Variants in KDM4C observed in about 807,000 individuals in gnomAD.
KDM4C encodes the protein lysine-specific demethylase 4C.
A neutral mutation model predicts 129.3 loss-of-function variants in KDM4C; 81 were observed. The observed-to-expected ratio is 0.63, with a 90% CI of 0.52 to 0.75. The LOEUF is 0.75. KDM4C is among the 30% of genes least tolerant of loss of function. The probability of loss-of-function intolerance (pLI) is 0.00; values close to 1 mark genes in which losing one functional copy is unlikely to be tolerated. For synonymous variants in KDM4C, 573 were observed against 456.1 expected (o/e 1.26, Z -3.26); for missense variants, 1,457 against 1,304.0 (o/e 1.12, Z -1.81).
intron 2 of KDM4C, among the ~76,000 whole-genome samples, chr9:6,795,485 C>A (rs751709392): frequency 6.6e-6 from 1 of 152,122 alleles, no homozygotes; most frequent in East Asian, 1.9e-4. Flanking sequence ...GCATGTACCA[C>A]CATGCCTGGA....
chr9:6,830,791 C>A (rs1053139314), intron 4 of KDM4C, among the ~76,000 whole-genome samples: 2 of 152,152 alleles, frequency 1.3e-5, no homozygotes, highest in Non-Finnish European at 2.9e-5. Context: ...AAGGGAAACT[C>A]AGTAGCACCA....
At chr9:6,956,549 G>T (rs1200443037) in intron 8 of KDM4C, among the ~76,000 whole-genome samples, 1 of 152,122 alleles carries the variant, frequency 6.6e-6, no homozygotes, top group East Asian at 1.9e-4. Flanking sequence ...CCCCCTGCCT[G>T]TATTTGTAAA....
At chr9:6,859,565 T>C (rs1357811927) in intron 5 of KDM4C, among the ~76,000 whole-genome samples, 2 of 142,676 alleles carry the variant, frequency 1.4e-5, no homozygotes, top group African/African-American at 5.1e-5. Context: ...TTTTGCCCCA[T>C]TTTAAAACTG....
intron 15 of KDM4C, among the ~76,000 whole-genome samples, chr9:7,043,247 G>A (rs1301522270): frequency 6.6e-6 from 1 of 152,018 alleles, no homozygotes; most frequent in Non-Finnish European, 1.5e-5. Flanking sequence ...TTGATATCAA[G>A]TTTAATGACT....
intron 8 of KDM4C, among the ~76,000 whole-genome samples, chr9:6,965,250 AG>A (rs1830743709): frequency 6.6e-6 from 1 of 151,712 alleles, no homozygotes; most frequent in Non-Finnish European, 1.5e-5. Context: ...AGAAAAAAAA[AG>A]TCTAAAACCA....
chr9:7,069,312 A>G (rs913715229), intron 17 of KDM4C, among the ~76,000 whole-genome samples: 16 of 152,338 alleles, frequency 1.1e-4, no homozygotes, highest in African/African-American at 3.1e-4. Context: ...ATCACGTGGA[A>G]CACATTTTCT....
chr9:6,740,756 T>A (rs1817667740), intron 1 of KDM4C, among the ~76,000 whole-genome samples: 1 of 145,664 alleles, frequency 6.9e-6, no homozygotes, highest in African/African-American at 2.6e-5. Context: ...TGACCCCAAG[T>A]GATTCGCCCA....
intron 6 of KDM4C, among the ~76,000 whole-genome samples, chr9:6,881,401 G>A (rs1563751679): frequency 1.3e-5 from 2 of 152,120 alleles, no homozygotes; most frequent in African/African-American, 4.8e-5. Flanking sequence ...ATAAGTTTTG[G>A]ATAATAGATT....
At chr9:6,792,446 T>G (rs1301319511) in intron 1 of KDM4C, among the ~76,000 whole-genome samples, 1 of 151,924 alleles carries the variant, frequency 6.6e-6, no homozygotes, top group Non-Finnish European at 1.5e-5. Flanking sequence ...TGGAGTGCAG[T>G]GGCGAGATCT....
At chr9:6,928,995 C>T (rs146675148) in intron 8 of KDM4C, among the ~76,000 whole-genome samples, 3 of 152,290 alleles carry the variant, frequency 2.0e-5, no homozygotes, top group Non-Finnish European at 2.9e-5. Flanking sequence ...CCTTGCACCT[C>T]GTACCTGTGC....
chr9:7,068,721 A>G (rs1937274243), intron 17 of KDM4C, among the ~76,000 whole-genome samples: 2 of 117,450 alleles, frequency 1.7e-5, no homozygotes, highest in East Asian at 2.3e-4. Context: ...TTTGAAACAG[A>G]ATTTTGCTCT....
intron 8 of KDM4C, among the ~76,000 whole-genome samples, chr9:6,895,088 G>A (rs984674984): frequency 6.6e-6 from 1 of 152,110 alleles, no homozygotes; most frequent in African/African-American, 2.4e-5. Context: ...TTTTTTCAGT[G>A]TTATGGCCAC....
intron 8 of KDM4C, among the ~76,000 whole-genome samples, chr9:6,936,107 G>T (rs528927123): frequency 6.6e-6 from 1 of 152,252 alleles, no homozygotes; most frequent in South Asian, 2.1e-4. Flanking sequence ...GTGCCAGAAG[G>T]TAGCTTGAAT....
chr9:6,842,128 G>C (rs1423657656), intron 4 of KDM4C, among the ~76,000 whole-genome samples: 1 of 151,984 alleles, frequency 6.6e-6, no homozygotes, highest in African/African-American at 2.4e-5. Context: ...ATTTAGTGTT[G>C]GACAAATATA....
At chr9:6,926,226 C>G (rs969065559) in intron 8 of KDM4C, among the ~76,000 whole-genome samples, 1 of 149,494 alleles carries the variant, frequency 6.7e-6, no homozygotes, top group African/African-American at 2.5e-5. Flanking sequence ...GGCTGTAGGA[C>G]TCAACTGTGA....
At chr9:6,870,527 A>G (rs1356753109) in intron 5 of KDM4C, among the ~76,000 whole-genome samples, 2 of 152,120 alleles carry the variant, frequency 1.3e-5, no homozygotes, top group South Asian at 4.1e-4. Flanking sequence ...ATCTTAGCAT[A>G]AGCTCTGGTG....
At chr9:7,047,408 G>A (rs7024087) in intron 16 of KDM4C, among the ~76,000 whole-genome samples, 17,371 of 150,494 alleles carry the variant, frequency 0.12, 1,277 homozygotes, top group African/African-American at 0.19. Context: ...AAACATTGAT[G>A]TTAAGATTTA....
At chr9:6,961,443 C>G (rs866284860) in intron 8 of KDM4C, among the ~76,000 whole-genome samples, 3 of 152,030 alleles carry the variant, frequency 2.0e-5, no homozygotes, top group Non-Finnish European at 4.4e-5. Context: ...ACTTTCTGAA[C>G]AGAGATAGTC....
rs1304786583 is a variant in KDM4C at position 6,882,961 on chromosome 9, G to C, written c.679+2900G>C. ...TGGGTGGGATGCAGACAGGCATTCA[G>C]TGGACTCTTTGAAATTATATTCAAA... On this transcript the variant is annotated intron_variant, in intron 6 of 21. Transcript: ENST00000381309. Among the ~76,000 whole-genome samples the C allele has an allele frequency of 3.3e-5, 5 of 152,180 alleles. No individual in the cohort carries two copies. In the South Asian group the frequency reaches 8.3e-4, roughly 25 times the overall value.
Sources: gnomAD v4.1 joint callset for allele counts (sites outside exome capture counted in the v4.1 genomes callset) on GRCh38, gnomAD v4.1.1 for gene constraint, MANE v1.5 for transcripts, NCBI Gene and HGNC (gene_info 2026-07-23, HGNC 2026-07-21) for gene names.